GATD1: variants seen among roughly 807,000 people sequenced by gnomAD.
GATD1 encodes the protein glutamine amidotransferase class 1 domain containing 1.
In GATD1, 23 loss-of-function variants were observed where a neutral mutation model predicts 25.9. The observed-to-expected ratio is 0.89, with a 90% CI of 0.64 to 1.26. GATD1 has a LOEUF of 1.26. Ranked by LOEUF, GATD1 falls within the 50% of genes most tolerant of loss-of-function variation. The probability of loss-of-function intolerance (pLI) is 0.00; values close to 1 mark genes in which losing one functional copy is unlikely to be tolerated. For synonymous variants in GATD1, 177 were observed against 134.6 expected (o/e 1.31, Z -2.18); for missense variants, 347 against 312.5 (o/e 1.11, Z -0.83).
rs1863328107 is a variant in GATD1, at chr11:770,434, A to G, written c.*463T>C. 6.7e-7 allele frequency: 1 copy of G among 1,498,976 alleles called. No homozygotes were observed. The highest frequency in any genetic ancestry group is 8.9e-7 in the Non-Finnish European group (1 of 1,126,714). 92.9% of individuals were successfully genotyped at this position (1,498,976 alleles called of 1,614,324 possible). On this transcript the variant is annotated 3_prime_UTR_variant, in exon 8 of 8. Coordinates refer to ENST00000319863, the MANE Select transcript of GATD1 (RefSeq NM_182612.4). ...CCGTTCACCTTTGGCCAAAGTTCTG[A>G]GCCAGCTCCCGCCGGCTGGGCCCTC...
chr11:774,146 G>A (rs1341894405), intron 2 of GATD1, 33 bp from the exon 3 acceptor site: 3 of 1,575,982 alleles, frequency 1.9e-6, no homozygotes, highest in African/African-American at 2.7e-5. Flanking sequence ...CCGAGGGTCA[G>A]CACCAGGGAT....
Position 769,820 on chromosome 11 carries a change from G to A in GATD1, c.*1077C>T. The A allele has an allele frequency of 1.5e-6, 1 of 656,600 alleles. No individual in the cohort carries two copies. The highest frequency in any genetic ancestry group is 1.9e-6 in the Non-Finnish European group (1 of 530,244). 40.7% of individuals were successfully genotyped at this position (656,600 alleles called of 1,614,324 possible). ...TTTAGTAGAGATGGGGTTTCACCAT[G>A]TTAGCCAGGATGGTCTCGATCTCCT... On this transcript the variant is annotated 3_prime_UTR_variant, in exon 8 of 8. Transcript: ENST00000319863.
At position 770,351 on chromosome 11, in the gene GATD1, G is replaced by C; in HGVS notation, c.*546C>G. The C allele has an allele frequency of 6.5e-7, 1 of 1,534,490 alleles. No individual in the cohort carries two copies. Among genetic ancestry groups the C allele is most frequent in the Admixed American group, 2.0e-5 (1 of 50,810 alleles). ...CACGCCAGGAAGATTTCTTCAACAG[G>C]AAAGTGCTGCCAGTGCCGGTCGGCC... On this transcript the variant is annotated 3_prime_UTR_variant, in exon 8 of 8. Coordinates refer to ENST00000319863, the MANE Select transcript of GATD1 (RefSeq NM_182612.4).
rs1010872805 is a variant in GATD1, at chr11:774,167, G to A, written c.142-54C>T. On this transcript the variant is annotated intron_variant, in intron 2 of 7. Transcript: ENST00000319863. The stretch of plus-strand genomic sequence containing the variant: ...GTCAGCACCAGGGATATCCCTGTCG[G>A]CTCAGAGGGAGCCTGAAAAAGCTGA... 2.3e-5 allele frequency: 35 copies of A among 1,498,698 alleles called. No homozygotes were observed. In the African/African-American group the frequency reaches 2.9e-4, roughly 12 times the overall value. 92.8% of individuals were successfully genotyped at this position (1,498,698 alleles called of 1,614,324 possible). A position where few individuals can be genotyped will look rare whatever the true frequency, so the allele number is the denominator to read the frequency against.
At position 767,340 on chromosome 11, in the gene GATD1, T is replaced by TCTGCCCCAGCCTGGTG; in HGVS notation, c.*3541_*3556dup. ...GAGGTCTGTCCTCTTGCTTTCCTCC[T>TCTGCCCCAGCCTGGTG]CTGCCCCAGCCTGGTGCTGCCCCAA... On this transcript the variant is annotated 3_prime_UTR_variant, in exon 8 of 8. Transcript: ENST00000319863. The TCTGCCCCAGCCTGGTG allele has an allele frequency of 6.5e-7, 1 of 1,536,268 alleles. No homozygotes were observed. Among genetic ancestry groups the TCTGCCCCAGCCTGGTG allele is most frequent in the Non-Finnish European group, 8.7e-7 (1 of 1,146,940 alleles).
At position 768,917 on chromosome 11, in the gene GATD1, A is replaced by G. The variant is rs1863210653; in HGVS notation, c.*1980T>C. The G allele has an allele frequency of 6.4e-6, 1 of 156,292 alleles. No individual in the cohort carries two copies. The highest frequency in any genetic ancestry group is 1.9e-4 in the East Asian group (1 of 5,178). 9.7% of individuals were successfully genotyped at this position (156,292 alleles called of 1,614,324 possible). On this transcript the variant is annotated 3_prime_UTR_variant, in exon 8 of 8. Transcript: ENST00000319863. The stretch of plus-strand genomic sequence containing the variant: ...GGAGTTCGAGACCAGCCTGGCCAAC[A>G]TGGTGAAACTCGGTCTCTACGAAAA...
Position 774,104 on chromosome 11 carries a change from T to C in GATD1, c.151A>G (p.Met51Val). The change falls in exon 3 of 8, where the codon ATG (methionine) becomes GTG (valine). Residue 51 changes from methionine (M) to valine (V), a missense_variant. By Grantham distance (21) the Met-to-Val change is conservative (BLOSUM62 1). Coordinates refer to ENST00000319863, the MANE Select transcript of GATD1 (RefSeq NM_182612.4). ...LQVATPGGKA[M>V]EFVDVTESNA... Reference sequence around the variant, plus strand: ...CTCTCAGTCACATCCACAAATTCCATGGCTTTCCCCTGGAGAAGCAGAGCC... The same window carrying C: ...CTCTCAGTCACATCCACAAATTCCACGGCTTTCCCCTGGAGAAGCAGAGCC... The C allele has an allele frequency of 8.1e-6, 13 of 1,613,310 alleles. No individual in the cohort carries two copies. Among genetic ancestry groups the C allele is most frequent in the African/African-American group, 1.3e-5 (1 of 75,018 alleles).
At position 770,723 on chromosome 11, in the gene GATD1, C is replaced by A; in HGVS notation, c.*174G>T. 1 of 1,466,322 alleles carries A rather than the reference C, an allele frequency of 6.8e-7. No homozygotes were observed. The highest frequency in any genetic ancestry group is 1.4e-5 in the South Asian group (1 of 70,108). 90.8% of individuals were successfully genotyped at this position (1,466,322 alleles called of 1,614,324 possible). A position where few individuals can be genotyped will look rare whatever the true frequency, so the allele number is the denominator to read the frequency against. ...TGGGGGTTTGGACCCTCCAGGAGAGCCGACACCCCCTCAGAGCTGATTCCA... is the reference window on the plus strand; with the variant it reads ...TGGGGGTTTGGACCCTCCAGGAGAGACGACACCCCCTCAGAGCTGATTCCA... On this transcript the variant is annotated 3_prime_UTR_variant, in exon 8 of 8. Coordinates refer to ENST00000319863, the MANE Select transcript of GATD1 (RefSeq NM_182612.4).
intron 3 of GATD1, 33 bp from the exon 4 acceptor site, chr11:773,662 CAT>C (rs1406529484): frequency 3.9e-6 from 6 of 1,524,616 alleles, no homozygotes; most frequent in Non-Finnish European, 5.4e-6. Flanking sequence ...GTAGCAGCCA[CAT>C]GTCAAAGTGA....
Position 768,764 on chromosome 11 carries a change from C to G in GATD1, c.*2133G>C, listed in dbSNP as rs926759960. The G allele has an allele frequency of 6.6e-6, 1 of 152,178 alleles. No individual in the cohort carries two copies. The highest frequency in any genetic ancestry group is 1.5e-5 in the Non-Finnish European group (1 of 68,038). 9.4% of individuals were successfully genotyped at this position (152,178 alleles called of 1,614,324 possible). ...GATGGATCACCTGAGGTCAGGAGTT[C>G]AAGACCAGCCTGGCCAACATGATGA... On this transcript the variant is annotated 3_prime_UTR_variant, in exon 8 of 8. Coordinates refer to ENST00000319863, the MANE Select transcript of GATD1 (RefSeq NM_182612.4).
chr11:774,486 C>A (rs1253280184), intron 2 of GATD1, among the ~76,000 whole-genome samples: 1 of 152,262 alleles, frequency 6.6e-6, no homozygotes, highest in Non-Finnish European at 1.5e-5. Flanking sequence ...ACCAGGGCTG[C>A]GCCTTGGTCT....
At position 769,207 on chromosome 11, in the gene GATD1, G is replaced by A; in HGVS notation, c.*1690C>T. The A allele has an allele frequency of 1.0e-6, 1 of 985,488 alleles. No homozygotes were observed. The highest frequency in any genetic ancestry group is 1.2e-6 in the Non-Finnish European group (1 of 829,944). The allele number at this position is 985,488 out of a possible 1,614,324, so 61.0% of individuals were successfully genotyped here. A position where few individuals can be genotyped will look rare whatever the true frequency, so the allele number is the denominator to read the frequency against. ...AGGCCCCGTGGCCAGTGCTAAGTGG[G>A]CATCCTGACTAATCTGCGAGGCACT... is the stretch of plus-strand genomic sequence containing the variant. On this transcript the variant is annotated 3_prime_UTR_variant, in exon 8 of 8. Coordinates refer to ENST00000319863, the MANE Select transcript of GATD1 (RefSeq NM_182612.4).
Position 769,911 on chromosome 11 carries a change from C to T in GATD1, c.*986G>A, listed in dbSNP as rs770800351. On this transcript the variant is annotated 3_prime_UTR_variant, in exon 8 of 8. Transcript: ENST00000319863. ...GGTTACAGGTGTGAGCCACTGCGCC[C>T]GGCCCAACTGAACGGTTTTATAATC... The T allele has an allele frequency of 2.4e-4, 239 of 990,030 alleles. No individual in the cohort carries two copies. The highest frequency in any genetic ancestry group is 3.7e-4 in the Admixed American group (6 of 16,368). The allele number at this position is 990,030 out of a possible 1,614,324, so 61.3% of individuals were successfully genotyped here.
chr11:769,087 G>C lies in GATD1; in HGVS notation c.*1810C>G, dbSNP rs1590078190. The C allele has an allele frequency of 1.0e-6, 1 of 961,976 alleles. No homozygotes were observed. Among genetic ancestry groups the C allele is most frequent in the African/African-American group, 1.9e-5 (1 of 53,238 alleles). The allele number at this position is 961,976 out of a possible 1,614,324, so 59.6% of individuals were successfully genotyped here. A position where few individuals can be genotyped will look rare whatever the true frequency, so the allele number is the denominator to read the frequency against. On this transcript the variant is annotated 3_prime_UTR_variant, in exon 8 of 8. Transcript: ENST00000319863. ...CTGCACTCCAGCCTGGGTGACGAGA[G>C]ACAAACTCCATCTCAAAAAATAAAT...
chr11:767,283 G>A lies in GATD1; in HGVS notation c.*3614C>T, dbSNP rs1863103010. ...AGATGAACACACACTGGTATATGGGGAAATCCTCACCCGCCCTCCGCTGCT... is the reference window on the plus strand; with the variant it reads ...AGATGAACACACACTGGTATATGGGAAAATCCTCACCCGCCCTCCGCTGCT... On this transcript the variant is annotated 3_prime_UTR_variant, in exon 8 of 8. Transcript: ENST00000319863. 6.5e-7 allele frequency: 1 copy of A among 1,536,164 alleles called. No homozygotes were observed. The highest frequency in any genetic ancestry group is 8.7e-7 in the Non-Finnish European group (1 of 1,146,916).
In GATD1 at chr11:767,269, C is replaced by A. The variant is rs1440793592; in HGVS notation, c.*3628G>T. On this transcript the variant is annotated 3_prime_UTR_variant, in exon 8 of 8. Transcript: ENST00000319863. ...TATTCCTCATGGGTAGATGAACACA[C>A]ACTGGTATATGGGGAAATCCTCACC... The A allele has an allele frequency of 6.5e-6, 10 of 1,536,150 alleles. No homozygotes were observed. The South Asian group carries it at 7.1e-5, about 11-fold the overall frequency.
intron 2 of GATD1, among the ~76,000 whole-genome samples, chr11:774,764 A>T (rs1863796015): frequency 1.3e-5 from 2 of 152,078 alleles, no homozygotes; most frequent in Admixed American, 1.3e-4. Flanking sequence ...CGGGAGGCGG[A>T]GGTTGTGGTG....
At chr11:776,568 T>TG (rs1251738099) in intron 1 of GATD1, 1 of 145,110 alleles carries the variant, frequency 6.9e-6, no homozygotes, top group Admixed American at 7.2e-5. Flanking sequence ...TCAGGACCCC[T>TG]GGAGCTCAGC....
intron 4 of GATD1, 125 bp from the exon 5 acceptor site, chr11:772,646 T>A: frequency 1.2e-6 from 1 of 860,938 alleles, no homozygotes; most frequent in Non-Finnish European, 1.8e-6. Flanking sequence ...CTCCCAGGTT[T>A]CCCTGGAAAC....
Sources: gnomAD v4.1 joint callset for allele counts (sites outside exome capture counted in the v4.1 genomes callset) on GRCh38, gnomAD v4.1.1 for gene constraint, MANE v1.5 for transcripts, NCBI Gene and HGNC (gene_info 2026-07-23, HGNC 2026-07-21) for gene names.